RIMS4: variants seen among roughly 807,000 people sequenced by gnomAD.
RIMS4 encodes the protein regulating synaptic membrane exocytosis 4.
In RIMS4, 9 loss-of-function variants were observed where a neutral mutation model predicts 29.0. The observed-to-expected ratio is 0.31, with a 90% CI of 0.19 to 0.54. The LOEUF is 0.54. Ranked by LOEUF, RIMS4 falls within the 20% of genes least tolerant of loss-of-function variation. The pLI is 0.94. For missense variants in RIMS4, 193 were observed against 365.7 expected, an observed-to-expected ratio of 0.53 and a Z score of 3.85; for synonymous variants, 130 against 152.9, an observed-to-expected ratio of 0.85 and a Z score of 1.10.
At chr20:44,765,492 G>T (rs1358839880) in intron 2 of RIMS4, among the ~76,000 whole-genome samples, 1 of 152,194 alleles carries the variant, frequency 6.6e-6, no homozygotes, top group Non-Finnish European at 1.5e-5. Context: ...AAATGCTCAA[G>T]AAATACTAGT....
chr20:44,806,029 A>G (rs1210855351), intron 1 of RIMS4, among the ~76,000 whole-genome samples: 3 of 152,202 alleles, frequency 2.0e-5, no homozygotes, highest in Non-Finnish European at 2.9e-5. Flanking sequence ...GTCTGAGCGG[A>G]AGAGGGTGGT....
intron 2 of RIMS4, among the ~76,000 whole-genome samples, chr20:44,767,451 G>C (rs1296709785): frequency 2.0e-5 from 3 of 152,120 alleles, no homozygotes; most frequent in African/African-American, 7.2e-5. Flanking sequence ...CCAGCCCCAG[G>C]GGATCAACCA....
chr20:44,803,548 T>TG (rs2066285697), intron 1 of RIMS4, among the ~76,000 whole-genome samples: 1 of 151,858 alleles, frequency 6.6e-6, no homozygotes, highest in African/African-American at 2.4e-5. Context: ...ACTCCCCCGT[T>TG]GCAGAAACTG....
intron 1 of RIMS4, among the ~76,000 whole-genome samples, chr20:44,798,575 C>T (rs1188349921): frequency 6.6e-6 from 1 of 152,194 alleles, no homozygotes; most frequent in African/African-American, 2.4e-5. Flanking sequence ...TAAGCAGGTC[C>T]CCCATCACTC....
intron 2 of RIMS4, among the ~76,000 whole-genome samples, chr20:44,759,313 G>C (rs1364663376): frequency 6.6e-6 from 1 of 151,966 alleles, no homozygotes; most frequent in Non-Finnish European, 1.5e-5. Context: ...GCAGTGGCAC[G>C]GTCTTGGCTC....
chr20:44,758,253 GTCAACCTCCA>G lies in RIMS4; in HGVS notation c.237-79_237-70del. 2.8e-6 allele frequency: 3 copies of G among 1,082,162 alleles called. No homozygotes were observed. The East Asian group carries it at 7.6e-5, about 27-fold the overall frequency. The allele number at this position is 1,082,162 out of a possible 1,614,324, so 67.0% of individuals were successfully genotyped here. A position where few individuals can be genotyped will look rare whatever the true frequency, so the allele number is the denominator to read the frequency against. On this transcript the variant is annotated intron_variant, in intron 2 of 5. Coordinates refer to ENST00000372851, the MANE Select transcript of RIMS4 (RefSeq NM_182970.4). Reference sequence around the variant, plus strand: ...TTACCAACAACTCTGGACTCAAGCAGTCAACCTCCATGCAATGGATATGCTGAAACTTCCC... The same window carrying G: ...TTACCAACAACTCTGGACTCAAGCAGTGCAATGGATATGCTGAAACTTCCC...
At chr20:44,792,295 ATT>A (rs1251411491) in intron 1 of RIMS4, among the ~76,000 whole-genome samples, 2 of 144,524 alleles carry the variant, frequency 1.4e-5, no homozygotes, top group African/African-American at 2.5e-5. Context: ...TATTATTATA[ATT>A]TTTTTTTTTT....
chr20:44,788,823 G>A (rs951310685), intron 1 of RIMS4, among the ~76,000 whole-genome samples: 1 of 152,042 alleles, frequency 6.6e-6, no homozygotes, highest in Non-Finnish European at 1.5e-5. Context: ...TACTGATGAT[G>A]CTGATAACAG....
chr20:44,775,553 T>C (rs2066156412), intron 1 of RIMS4, among the ~76,000 whole-genome samples: 1 of 152,198 alleles, frequency 6.6e-6, no homozygotes. Flanking sequence ...TCAGAACAAC[T>C]CTGAGGCTTC....
intron 1 of RIMS4, among the ~76,000 whole-genome samples, chr20:44,807,898 G>T (rs773266899): frequency 6.6e-6 from 1 of 151,810 alleles, no homozygotes; most frequent in Non-Finnish European, 1.5e-5. Flanking sequence ...ACTCTTGGTC[G>T]CCAGCCGCAC....
chr20:44,776,152 G>A (rs1415672107), intron 1 of RIMS4, among the ~76,000 whole-genome samples: 3 of 152,080 alleles, frequency 2.0e-5, no homozygotes, highest in Non-Finnish European at 4.4e-5. Flanking sequence ...GCATGGTGGT[G>A]GGCACCTGTA....
intron 1 of RIMS4, among the ~76,000 whole-genome samples, chr20:44,775,456 G>A (rs1304320458): frequency 6.6e-6 from 1 of 152,172 alleles, no homozygotes; most frequent in Non-Finnish European, 1.5e-5. Context: ...GTCTGGAAAT[G>A]TATGACCCTT....
At chr20:44,806,224 C>T (rs748323339) in intron 1 of RIMS4, among the ~76,000 whole-genome samples, 51 of 152,192 alleles carry the variant, frequency 3.4e-4, no homozygotes, top group Admixed American at 2.6e-4. Flanking sequence ...GAGAACTGGA[C>T]GCTGAAACCA....
chr20:44,777,089 G>T (rs970698990), intron 1 of RIMS4, among the ~76,000 whole-genome samples: 4 of 152,148 alleles, frequency 2.6e-5, no homozygotes, highest in African/African-American at 9.7e-5. Flanking sequence ...ACTTCTCTTG[G>T]GGTAACTATT....
At chr20:44,771,822 G>C (rs1288004604) in intron 1 of RIMS4, among the ~76,000 whole-genome samples, 3 of 152,094 alleles carry the variant, frequency 2.0e-5, no homozygotes, top group Non-Finnish European at 4.4e-5. Context: ...ATATTGCTTT[G>C]CAGTAGGGGC....
intron 1 of RIMS4, among the ~76,000 whole-genome samples, chr20:44,785,402 G>A (rs912669113): frequency 6.6e-6 from 1 of 151,954 alleles, no homozygotes; most frequent in Admixed American, 6.6e-5. Context: ...GTAGAGACAG[G>A]GTCTCGCCAT....
At chr20:44,778,784 T>C (rs1396494544) in intron 1 of RIMS4, among the ~76,000 whole-genome samples, 2 of 152,194 alleles carry the variant, frequency 1.3e-5, no homozygotes, top group Non-Finnish European at 2.9e-5. Context: ...GCATGGACAA[T>C]GGAGCCTGAA....
intron 1 of RIMS4, among the ~76,000 whole-genome samples, chr20:44,789,923 T>TGGG (rs2066225674): frequency 6.6e-6 from 1 of 152,222 alleles, no homozygotes; most frequent in African/African-American, 2.4e-5. Flanking sequence ...GAGCTGCCTG[T>TGGG]CAACAGAATG....
chr20:44,804,248 T>C (rs1184280983), intron 1 of RIMS4, among the ~76,000 whole-genome samples: 4 of 152,222 alleles, frequency 2.6e-5, no homozygotes, highest in Non-Finnish European at 2.9e-5. Flanking sequence ...AGCCCATCAA[T>C]CATTTTATTT....
Sources: allele counts gnomAD v4.1 joint callset (sites outside exome capture counted in the v4.1 genomes callset), GRCh38; gene constraint gnomAD v4.1.1; transcripts MANE v1.5; gene names NCBI Gene and HGNC (gene_info 2026-07-23, HGNC 2026-07-21).